The following ABCD3 variants were observed in gnomAD, a reference collection of about 807,000 sequenced individuals.
ABCD3 encodes ATP binding cassette subfamily D member 3.
A neutral mutation model predicts 105.5 loss-of-function variants in ABCD3; 41 were observed. The observed-to-expected ratio is 0.39, with a 90% confidence interval of 0.30 to 0.50. The LOEUF (loss-of-function observed/expected upper bound fraction) is 0.50. Ranked by LOEUF, ABCD3 falls within the 20% of genes least tolerant of loss-of-function variation. The pLI is 0.84. For synonymous variants in ABCD3, 258 were observed against 269.0 expected (o/e 0.96, Z 0.40); for missense variants, 622 against 806.3 (o/e 0.77, Z 2.77).
At chr1:94,455,760 A>C in intron 1 of ABCD3, 1 of 1,056,784 alleles carries the variant, frequency 9.5e-7, no homozygotes, top group South Asian at 1.3e-5. Context: ...GGAGAGAGAA[A>C]AGTGATGAAG....
At chr1:94,472,278 G>GT (rs1446839547) in intron 4 of ABCD3, 4 of 930,396 alleles carry the variant, frequency 4.3e-6, no homozygotes, top group Non-Finnish European at 5.1e-6. Context: ...GTTCTTGTGT[G>GT]TTTCACAGCT....
chr1:94,480,325 AC>A, intron 8 of ABCD3, 138 bp from the exon 9 acceptor site: 8 of 1,016,898 alleles, frequency 7.9e-6, no homozygotes, highest in Non-Finnish European at 1.2e-5. Context: ...CAGAAAAAAA[AC>A]AAAGGGAAAA....
intron 16 of ABCD3, among the ~76,000 whole-genome samples, chr1:94,491,781 C>A (rs909681318): frequency 6.6e-6 from 1 of 152,018 alleles, no homozygotes; most frequent in Admixed American, 6.6e-5. Flanking sequence ...TGGGATATGG[C>A]AGACCAAATT....
In ABCD3 at chr1:94,449,949, A is replaced by T. The variant is rs558830212; in HGVS notation, c.111-8658A>T. On this transcript the variant is annotated intron_variant, in intron 1 of 22. Coordinates refer to ENST00000370214, the MANE Select transcript of ABCD3 (RefSeq NM_002858.4). ...TTGTGGAAACTATTAATGGCTGTTA[A>T]CAAGATCAAAATTTGGGAAAGAATA... is the stretch of plus-strand genomic sequence containing the variant. Among the ~76,000 whole-genome samples the T allele has an allele frequency of 1.4e-4, 21 of 152,358 alleles. No homozygotes were observed. The South Asian group carries it at 4.1e-3, about 30-fold the overall frequency.
the ABCD3 span, among the ~76,000 whole-genome samples, chr1:94,408,966 C>T: frequency 2.6e-5 from 4 of 152,216 alleles, no homozygotes; most frequent in Admixed American, 6.5e-5. Context: ...CACTCCTATG[C>T]GCTTTCTTTT....
At chr1:94,461,510 C>G (rs1176879543) in intron 2 of ABCD3, among the ~76,000 whole-genome samples, 2 of 151,908 alleles carry the variant, frequency 1.3e-5, no homozygotes, top group Non-Finnish European at 2.9e-5. Context: ...AATTACTTTA[C>G]ATATTTAAAA....
chr1:94,503,260 TAGTA>T (rs1262528036), intron 20 of ABCD3, among the ~76,000 whole-genome samples: 1 of 152,154 alleles, frequency 6.6e-6, no homozygotes, highest in African/African-American at 2.4e-5. Context: ...CCATGTCATG[TAGTA>T]AGTGTGGTGA....
intron 1 of ABCD3, among the ~76,000 whole-genome samples, chr1:94,443,576 A>G (rs1660215473): frequency 6.6e-6 from 1 of 152,194 alleles, no homozygotes; most frequent in Non-Finnish European, 1.5e-5. Flanking sequence ...TAAACAAGTT[A>G]TAAGATGTGC....
chr1:94,474,912 G>A (rs553271925), intron 5 of ABCD3, among the ~76,000 whole-genome samples: 4 of 152,116 alleles, frequency 2.6e-5, no homozygotes, highest in South Asian at 2.1e-4. Context: ...GGTATGTCGC[G>A]TAATTAGTGA....
At chr1:94,390,648 A>C in the ABCD3 span, among the ~76,000 whole-genome samples, 1 of 152,158 alleles carries the variant, frequency 6.6e-6, no homozygotes, top group Non-Finnish European at 1.5e-5. Context: ...TAATCTCTGC[A>C]ATTCCTCCCA....
At chr1:94,503,802 ATT>A (rs540410687) in intron 20 of ABCD3, among the ~76,000 whole-genome samples, 17 of 132,044 alleles carry the variant, frequency 1.3e-4, no homozygotes, top group Admixed American at 3.1e-4. Context: ...GCTTTTCTGA[ATT>A]TTTTTTTTTT....
At position 94,499,626 on chromosome 1, in the gene ABCD3, G is replaced by C. The variant is rs1202508593; in HGVS notation, c.1740+12G>C. 2 of 1,613,064 alleles carry C rather than the reference G, an allele frequency of 1.2e-6. No individual in the cohort carries two copies. Among genetic ancestry groups the C allele is most frequent in the African/African-American group, 1.3e-5 (1 of 74,880 alleles). On this transcript the variant is annotated intron_variant, in intron 20 of 22. Transcript: ENST00000370214. ...AGCAAAGAATGGCGGTAAGTATACT[G>C]TGAAGAAGTTGCACAAGAATGCAAC... is the stretch of plus-strand genomic sequence containing the variant.
chr1:94,436,255 ATCT>A (rs1354746748), intron 1 of ABCD3, among the ~76,000 whole-genome samples: 1 of 152,192 alleles, frequency 6.6e-6, no homozygotes, highest in Non-Finnish European at 1.5e-5. Context: ...TTAAATTATC[ATCT>A]TCTATTTACA....
chr1:94,447,045 C>T (rs534476643), intron 1 of ABCD3, among the ~76,000 whole-genome samples: 30 of 152,188 alleles, frequency 2.0e-4, no homozygotes, highest in South Asian at 4.1e-4. Context: ...CCGCTTTAAG[C>T]GGAAAGACAA....
chr1:94,458,828 G>A (rs75875842), intron 2 of ABCD3, among the ~76,000 whole-genome samples, 185 bp downstream of exon 2: 1,730 of 152,128 alleles, frequency 0.011, 33 homozygotes, highest in African/African-American at 0.04. Flanking sequence ...ACTCTAGGAG[G>A]CAGCATTAAC....
chr1:94,415,291 CACA>C (rs763946149), upstream of ABCD3, among the ~76,000 whole-genome samples: 262 of 152,316 alleles, frequency 1.7e-3, 1 homozygote, highest in Middle Eastern at 3.4e-3. Flanking sequence ...GTCTGGCTAA[CACA>C]ACATTTCTTC....
chr1:94,463,983 C>G (rs1300790389), intron 2 of ABCD3, among the ~76,000 whole-genome samples: 2 of 152,146 alleles, frequency 1.3e-5, no homozygotes, highest in Non-Finnish European at 2.9e-5. Flanking sequence ...GCTTCACTCC[C>G]TCCCCTCTGC....
At chr1:94,474,572 A>C (rs1420574091) in intron 5 of ABCD3, among the ~76,000 whole-genome samples, 1 of 152,186 alleles carries the variant, frequency 6.6e-6, no homozygotes, top group Non-Finnish European at 1.5e-5. Context: ...ACTTTTTAAA[A>C]TAAACAATTG....
intron 20 of ABCD3, among the ~76,000 whole-genome samples, chr1:94,503,906 C>CTTTTTTTTT (rs71097203): frequency 1.4e-5 from 1 of 69,804 alleles, no homozygotes; most frequent in Non-Finnish European, 2.6e-5. Flanking sequence ...ACAAGTGATT[C>CTTTTTTTTT]TTTTTTTTTT....
Sources: gnomAD v4.1 joint callset for allele counts (sites outside exome capture counted in the v4.1 genomes callset) on GRCh38, gnomAD v4.1.1 for gene constraint, MANE v1.5 for transcripts, NCBI Gene and HGNC (gene_info 2026-07-23, HGNC 2026-07-21) for gene names.